The following RHOH variants were observed in gnomAD, a reference collection of about 807,000 sequenced individuals.
RHOH encodes the protein rho-related GTP-binding protein RhoH.
In RHOH, 6 loss-of-function variants were observed where a neutral mutation model predicts 13.8. The observed-to-expected ratio is 0.44, with a 90% CI of 0.24 to 0.86. The LOEUF is 0.86. Among genes scored for constraint, RHOH ranks in the 40% least tolerant of loss-of-function variants. The pLI, the probability that RHOH is intolerant of heterozygous loss-of-function variation, is 0.24. For missense variants in RHOH, 147 were observed against 244.5 expected, an observed-to-expected ratio of 0.60 and a Z score of 2.66; for synonymous variants, 117 against 103.0, an observed-to-expected ratio of 1.14 and a Z score of -0.82.
At chr4:40,203,769 T>C (rs1235321727) in intron 1 of RHOH, among the ~76,000 whole-genome samples, 1 of 152,086 alleles carries the variant, frequency 6.6e-6, no homozygotes, top group African/African-American at 2.4e-5. Context: ...AGTTAAACAA[T>C]TTTGTCCAGC....
chr4:40,236,519 G>A (rs918286919), intron 1 of RHOH, among the ~76,000 whole-genome samples: 7 of 152,042 alleles, frequency 4.6e-5, no homozygotes, highest in South Asian at 2.1e-4. Flanking sequence ...GGCTGGCTGC[G>A]GTGGCTCATG....
intron 1 of RHOH, among the ~76,000 whole-genome samples, chr4:40,232,344 C>T (rs1306766206): frequency 1.3e-5 from 2 of 152,070 alleles, no homozygotes; most frequent in East Asian, 3.9e-4. Context: ...CCTGCCTCAG[C>T]CTCCCAACTA....
intron 1 of RHOH, among the ~76,000 whole-genome samples, chr4:40,229,023 C>T (rs1403949011): frequency 6.6e-6 from 1 of 152,154 alleles, no homozygotes; most frequent in Non-Finnish European, 1.5e-5. Context: ...CCTTTGGCCT[C>T]CTTTGGCTTA....
At chr4:40,223,999 C>A (rs1158119757) in intron 1 of RHOH, among the ~76,000 whole-genome samples, 1 of 151,892 alleles carries the variant, frequency 6.6e-6, no homozygotes, top group Non-Finnish European at 1.5e-5. Flanking sequence ...CTTGAACTCT[C>A]GACCTCAGGT....
chr4:40,191,932 C>A (rs920249372), upstream of RHOH, among the ~76,000 whole-genome samples: 1 of 148,700 alleles, frequency 6.7e-6, no homozygotes, highest in Non-Finnish European at 1.5e-5. Context: ...GTTAGGGAGG[C>A]TGGTTTTTTT....
At chr4:40,211,320 C>T (rs1725248861) in intron 1 of RHOH, among the ~76,000 whole-genome samples, 1 of 152,072 alleles carries the variant, frequency 6.6e-6, no homozygotes, top group Non-Finnish European at 1.5e-5. Context: ...GGCCAGAGTG[C>T]AGTGGTGCAA....
In RHOH at chr4:40,245,979, G is replaced by A. The variant is rs2109602389; in HGVS notation, c.*2017G>A. 6.6e-6 allele frequency: 1 copy of A among 152,362 alleles called. No individual in the cohort carries two copies. Among genetic ancestry groups the A allele is most frequent in the South Asian group, 2.1e-4 (1 of 4,822 alleles). 9.4% of individuals were successfully genotyped at this position (152,362 alleles called of 1,614,324 possible). On this transcript the variant is annotated 3_prime_UTR_variant, in exon 3 of 3. Coordinates refer to ENST00000381799, the MANE Select transcript of RHOH (RefSeq NM_004310.5). ...AGACTTCTCTGCTCTCCAGGCGGTG[G>A]CTTGTACTCACCTCTAAGTCACCCG...
chr4:40,193,480 G>GAGAA (rs1722822052), upstream of RHOH, among the ~76,000 whole-genome samples: 1 of 2,756 alleles, frequency 3.6e-4, no homozygotes, highest in African/African-American at 1.1e-3. Context: ...GAATGAGAGC[G>GAGAA]AGAGAGAGAG....
intron 1 of RHOH, among the ~76,000 whole-genome samples, chr4:40,239,025 A>C (rs555121326): frequency 6.6e-6 from 1 of 152,156 alleles, no homozygotes; most frequent in South Asian, 2.1e-4. Context: ...CTTGGACTGC[A>C]GCTCCTCCCC....
intron 1 of RHOH, chr4:40,205,678 G>T (rs781246123): frequency 6.6e-6 from 1 of 152,148 alleles, no homozygotes; most frequent in African/African-American, 2.4e-5. Context: ...CCCCAAACCC[G>T]TCTGTTTAAA....
chr4:40,213,532 A>G (rs995125634), intron 1 of RHOH, among the ~76,000 whole-genome samples: 2 of 152,100 alleles, frequency 1.3e-5, no homozygotes, highest in Non-Finnish European at 2.9e-5. Flanking sequence ...AATTCTCTAA[A>G]AAAAATCCTT....
chr4:40,225,725 C>T (rs1038204727), intron 1 of RHOH, among the ~76,000 whole-genome samples: 4 of 152,154 alleles, frequency 2.6e-5, no homozygotes, highest in Non-Finnish European at 4.4e-5. Context: ...AAATGTATTT[C>T]CGGCCTTTCT....
intron 1 of RHOH, among the ~76,000 whole-genome samples, chr4:40,203,254 G>A (rs1724240949): frequency 6.6e-6 from 1 of 152,228 alleles, no homozygotes. Context: ...TTACAGGCGT[G>A]AGCCACCGCG....
intron 1 of RHOH, among the ~76,000 whole-genome samples, chr4:40,235,987 A>C (rs74868887): frequency 3.0e-5 from 2 of 66,662 alleles, no homozygotes; most frequent in African/African-American, 1.7e-4. Flanking sequence ...GTCTTAAAGA[A>C]AAAAAAAAAA....
chr4:40,239,098 G>T (rs988890925), intron 1 of RHOH, among the ~76,000 whole-genome samples: 4 of 152,128 alleles, frequency 2.6e-5, no homozygotes, highest in South Asian at 2.1e-4. Context: ...CCTCCTCAAG[G>T]CTTATCATCC....
chr4:40,209,797 A>G (rs1442926165), intron 1 of RHOH: 3 of 152,242 alleles, frequency 2.0e-5, no homozygotes, highest in Non-Finnish European at 2.9e-5. Flanking sequence ...TCAATTAGAA[A>G]AGAATTGACT....
chr4:40,195,736 G>A (rs929565491), upstream of RHOH, among the ~76,000 whole-genome samples: 9 of 152,124 alleles, frequency 5.9e-5, no homozygotes, highest in African/African-American at 1.2e-4. Flanking sequence ...GTGAGCCACC[G>A]CCACTGCACC....
chr4:40,198,416 G>T (rs544436556), intron 1 of RHOH, among the ~76,000 whole-genome samples: 27 of 152,352 alleles, frequency 1.8e-4, no homozygotes, highest in African/African-American at 6.3e-4. Context: ...GGACACAAAA[G>T]CGAGGACCTT....
At chr4:40,238,941 C>T (rs754439284) in intron 1 of RHOH, among the ~76,000 whole-genome samples, 15 of 152,276 alleles carry the variant, frequency 9.9e-5, no homozygotes, top group Non-Finnish European at 1.8e-4. Flanking sequence ...ATGTAACCCG[C>T]GGCAGCTCAC....
Sources: gnomAD v4.1 joint callset for allele counts (sites outside exome capture counted in the v4.1 genomes callset) on GRCh38, gnomAD v4.1.1 for gene constraint, MANE v1.5 for transcripts, NCBI Gene and HGNC (gene_info 2026-07-23, HGNC 2026-07-21) for gene names.